Variants in AGMO observed in about 807,000 individuals in gnomAD.
The protein encoded by AGMO is glyceryl-ether monooxygenase.
In AGMO, 75 loss-of-function variants were observed where a neutral mutation model predicts 60.2. The observed-to-expected ratio is 1.25, with a 90% CI of 1.03 to 1.51. The LOEUF is 1.51. Among genes scored for constraint, AGMO ranks in the 40% most tolerant of loss-of-function variants. AGMO has a pLI of 0.00. For synonymous variants in AGMO, 261 were observed against 177.1 expected, an observed-to-expected ratio of 1.47 and a Z score of -3.76; for missense variants, 763 against 525.5, an observed-to-expected ratio of 1.45 and a Z score of -4.42.
intron 3 of AGMO, among the ~76,000 whole-genome samples, chr7:15,453,206 G>A (rs972967606): frequency 4.6e-5 from 7 of 151,878 alleles, no homozygotes; most frequent in Non-Finnish European, 8.8e-5. Context: ...AGTTTAAGAA[G>A]GCAAATGTTA....
intron 3 of AGMO, among the ~76,000 whole-genome samples, chr7:15,486,895 C>G (rs12535344): frequency 0.64 from 96,926 of 151,998 alleles, 31,851 homozygotes; most frequent in East Asian, 0.97. Flanking sequence ...AAATATGCAA[C>G]TGAGACAAAA....
In AGMO at chr7:15,418,666, A is replaced by G; in HGVS notation, c.514-13T>C. The G allele has an allele frequency of 2.7e-6, 4 of 1,486,622 alleles. No individual in the cohort carries two copies. The highest frequency in any genetic ancestry group is 2.7e-6 in the Non-Finnish European group (3 of 1,095,622). 92.1% of individuals were successfully genotyped at this position (1,486,622 alleles called of 1,614,324 possible). On this transcript the variant is annotated splice_polypyrimidine_tract_variant and intron_variant, in intron 4 of 12. Transcript: ENST00000342526. ...GAGAGTAGAAAATCTGAAAGAAAAA[A>G]TTAAAAAAAAATTAATTTGCATATA...
At chr7:15,139,476 C>T in the AGMO span, among the ~76,000 whole-genome samples, 2 of 152,028 alleles carry the variant, frequency 1.3e-5, no homozygotes, top group East Asian at 1.9e-4. Flanking sequence ...CTAAGCCTGG[C>T]GTTCATTAGT....
chr7:15,492,545 C>T (rs1017018881), intron 3 of AGMO, among the ~76,000 whole-genome samples: 6 of 151,898 alleles, frequency 4.0e-5, no homozygotes, highest in African/African-American at 1.2e-4. Context: ...CTCAAGAGTA[C>T]TCCTTTCCTT....
chr7:15,292,589 C>G (rs1393446344), intron 12 of AGMO, among the ~76,000 whole-genome samples: 1 of 152,072 alleles, frequency 6.6e-6, no homozygotes, highest in East Asian at 1.9e-4. Context: ...TGTAGAGGTT[C>G]TTTCTGCACT....
intron 12 of AGMO, among the ~76,000 whole-genome samples, chr7:15,327,967 G>A (rs966100051): frequency 6.6e-6 from 1 of 151,480 alleles, no homozygotes; most frequent in Non-Finnish European, 1.5e-5. Context: ...GTTGAGACAG[G>A]GTCTCACTAT....
chr7:15,135,974 C>CTTTTTTTTTTTTTTTTTTT, the AGMO span, among the ~76,000 whole-genome samples: 2 of 63,806 alleles, frequency 3.1e-5, no homozygotes, highest in Admixed American at 2.2e-4. Context: ...TATATTTTTT[C>CTTTTTTTTTTTTTTTTTTT]TTTTCTTTTT....
At chr7:15,396,673 G>T (rs1249337557) in intron 5 of AGMO, 1 of 151,582 alleles carries the variant, frequency 6.6e-6, no homozygotes, top group Non-Finnish European at 1.5e-5. Context: ...GAGCTGATTG[G>T]TCCACTTTAC....
chr7:15,342,801 A>AAAAAAAAAAAAAAAAAAAAAC (rs778682811), intron 12 of AGMO, among the ~76,000 whole-genome samples: 1 of 107,892 alleles, frequency 9.3e-6, no homozygotes, highest in African/African-American at 4.2e-5. Context: ...AAAAAAAAAA[A>AAAAAAAAAAAAAAAAAAAAAC]AAAATTGATC....
At chr7:15,403,666 A>G (rs568966109) in intron 5 of AGMO, among the ~76,000 whole-genome samples, 4 of 152,114 alleles carry the variant, frequency 2.6e-5, no homozygotes, top group Admixed American at 6.6e-5. Context: ...TCTTGTTCTG[A>G]ATTAGTTGAT....
chr7:15,395,902 G>C (rs566549843), intron 5 of AGMO: 2 of 152,196 alleles, frequency 1.3e-5, no homozygotes, highest in African/African-American at 4.8e-5. Context: ...GAATAGGTGG[G>C]GTGACCATAT....
In AGMO at chr7:15,477,227, T is replaced by A. The variant is rs544408962; in HGVS notation, c.410-46119A>T. On this transcript the variant is annotated intron_variant, in intron 3 of 12. Coordinates refer to ENST00000342526, the MANE Select transcript of AGMO (RefSeq NM_001004320.2). ...GGTATGAATGAAACATTAAAATAAA[T>A]ATTGAAGAACAAAAACAATGTATAG... Among the ~76,000 whole-genome samples, 6 of 152,194 alleles carry A rather than the reference T, an allele frequency of 3.9e-5. No homozygotes were observed. In the East Asian group the frequency reaches 7.7e-4, roughly 20 times the overall value.
At chr7:15,506,044 C>T (rs1393145634) in intron 3 of AGMO, among the ~76,000 whole-genome samples, 1 of 151,772 alleles carries the variant, frequency 6.6e-6, no homozygotes, top group Non-Finnish European at 1.5e-5. Flanking sequence ...TTCAAAACTA[C>T]CTAGAAAGAA....
chr7:15,558,871 G>A (rs943726735), intron 2 of AGMO, among the ~76,000 whole-genome samples: 3 of 151,830 alleles, frequency 2.0e-5, no homozygotes, highest in Non-Finnish European at 2.9e-5. Flanking sequence ...CCCACTGGGC[G>A]GTTAATAGAA....
intron 10 of AGMO, among the ~76,000 whole-genome samples, chr7:15,372,666 C>T (rs1232770165): frequency 6.6e-6 from 1 of 152,128 alleles, no homozygotes; most frequent in Non-Finnish European, 1.5e-5. Flanking sequence ...GTTTTGAAGA[C>T]TATAAATATT....
the AGMO span, among the ~76,000 whole-genome samples, chr7:15,139,247 A>T: frequency 6.6e-6 from 1 of 152,138 alleles, no homozygotes; most frequent in African/African-American, 2.4e-5. Flanking sequence ...TCCACTCCCA[A>T]TTATTTCTAC....
intron 5 of AGMO, among the ~76,000 whole-genome samples, chr7:15,397,227 G>C (rs1178083525): frequency 6.6e-6 from 1 of 152,176 alleles, no homozygotes; most frequent in African/African-American, 2.4e-5. Flanking sequence ...ACCCCGCGAA[G>C]AGGGAACGGC....
At position 15,211,417 on chromosome 7, in the gene AGMO, C is replaced by T. The variant is rs909360316; in HGVS notation, c.1264-10058G>A. 1.5e-4 allele frequency among the ~76,000 whole-genome samples: 23 copies of T among 151,772 alleles called. 1 individual carries two copies. The highest frequency in any genetic ancestry group is 1.9e-4 in the East Asian group (1 of 5,172). On this transcript the variant is annotated intron_variant, in intron 12 of 12. Coordinates refer to ENST00000342526, the MANE Select transcript of AGMO (RefSeq NM_001004320.2). ...AGTTAAAATGATGCCTTTAAAGCTG[C>T]GGCTATATGATAATTGCTGGGAAAA...
chr7:15,336,679 C>A (rs973279348), intron 12 of AGMO, among the ~76,000 whole-genome samples: 1 of 152,102 alleles, frequency 6.6e-6, no homozygotes, highest in African/African-American at 2.4e-5. Context: ...TGTAATTCTG[C>A]TACTTTGTGT....
Sources: allele counts gnomAD v4.1 joint callset (sites outside exome capture counted in the v4.1 genomes callset), GRCh38; gene constraint gnomAD v4.1.1; transcripts MANE v1.5; gene names NCBI Gene and HGNC (gene_info 2026-07-23, HGNC 2026-07-21).